DUSP13B: variants seen among roughly 807,000 people sequenced by gnomAD.
DUSP13B encodes dual specificity phosphatase 13B.
the DUSP13B span, chr10:75,099,217 C>G: frequency 1.6e-6 from 2 of 1,232,220 alleles, no homozygotes; most frequent in Non-Finnish European, 2.0e-6. Context: ...TCCCCTGGAC[C>G]AGTGACTAGG....
the DUSP13B span, chr10:75,101,858 C>T: frequency 7.3e-7 from 1 of 1,365,708 alleles, no homozygotes; most frequent in African/African-American, 1.5e-5. Flanking sequence ...ATTAGGAGCA[C>T]TCACCCACCT....
At chr10:75,105,733 T>G in the DUSP13B span, 1 of 1,554,618 alleles carries the variant, frequency 6.4e-7, no homozygotes, top group Non-Finnish European at 8.7e-7. Context: ...GAAGCCTCGG[T>G]TGGGGAAGAC....
the DUSP13B span, chr10:75,107,903 G>C: frequency 1.8e-5 from 25 of 1,404,988 alleles, no homozygotes; most frequent in Non-Finnish European, 2.2e-5. Flanking sequence ...AAAAAGCAGG[G>C]ATGGGAGGGC....
the DUSP13B span, chr10:75,095,708 T>C: frequency 3.1e-6 from 5 of 1,614,096 alleles, no homozygotes; most frequent in East Asian, 1.1e-4. Flanking sequence ...ATTTGGCACC[T>C]GTGTCCACCT....
chr10:75,098,025 A>C, the DUSP13B span: 1 of 728,376 alleles, frequency 1.4e-6, no homozygotes, highest in Non-Finnish European at 2.1e-6. Flanking sequence ...ATGAGGTATT[A>C]ACAAGCTCAG....
the DUSP13B span, among the ~76,000 whole-genome samples, chr10:75,100,475 T>C: frequency 1.3e-5 from 2 of 152,186 alleles, no homozygotes; most frequent in South Asian, 2.1e-4. Context: ...GGGAAGTCGG[T>C]GGTTGTGGCA....
the DUSP13B span, among the ~76,000 whole-genome samples, chr10:75,107,346 G>GA: frequency 5.2e-3 from 600 of 115,998 alleles, no homozygotes; most frequent in Middle Eastern, 0.022. Flanking sequence ...CTCTGTCTCA[G>GA]AAAAAAAAAA....
chr10:75,094,702 G>T, the DUSP13B span: 8 of 1,614,000 alleles, frequency 5.0e-6, no homozygotes, highest in Middle Eastern at 3.3e-4. Flanking sequence ...TCCCGCCCCA[G>T]TCGGTTGTCC....
the DUSP13B span, chr10:75,105,664 G>T: frequency 6.5e-7 from 1 of 1,548,356 alleles, no homozygotes; most frequent in Non-Finnish European, 8.7e-7. Flanking sequence ...GCCTCACCTG[G>T]CCCCTCAGCT....
the DUSP13B span, chr10:75,105,934 G>A: frequency 1.4e-6 from 2 of 1,472,452 alleles, no homozygotes; most frequent in South Asian, 2.5e-5. Context: ...CTGGGATGGG[G>A]ACCCAAGTTC....
At chr10:75,096,402 C>A in the DUSP13B span, among the ~76,000 whole-genome samples, 1 of 151,962 alleles carries the variant, frequency 6.6e-6, no homozygotes, top group Non-Finnish European at 1.5e-5. Context: ...CATGGCAAAA[C>A]CTTATCTCTA....
At chr10:75,098,889 G>A in the DUSP13B span, 4 of 989,360 alleles carry the variant, frequency 4.0e-6, no homozygotes, top group Non-Finnish European at 5.2e-6. Context: ...TAGCAAGGCT[G>A]GGGTTTTAGT....
At chr10:75,096,736 A>T in the DUSP13B span, among the ~76,000 whole-genome samples, 2 of 152,168 alleles carry the variant, frequency 1.3e-5, no homozygotes, top group Admixed American at 6.5e-5. Flanking sequence ...ACAGAGAGAG[A>T]CCTTGTCTCT....
chr10:75,105,888 G>A, the DUSP13B span: 128 of 1,543,952 alleles, frequency 8.3e-5, no homozygotes, highest in East Asian at 3.0e-3. Context: ...ACATCCTGGT[G>A]AAAAACCCTG....
the DUSP13B span, chr10:75,095,518 A>G: frequency 6.7e-7 from 1 of 1,495,916 alleles, no homozygotes; most frequent in Non-Finnish European, 9.3e-7. Context: ...TACTGGAATA[A>G]TGGAGAGTCC....
the DUSP13B span, chr10:75,099,445 G>A: frequency 1.6e-6 from 2 of 1,232,604 alleles, no homozygotes; most frequent in Non-Finnish European, 2.0e-6. Flanking sequence ...CATGGCCTGG[G>A]GCCGGGAATG....
chr10:75,109,028 T>C, the DUSP13B span: 3 of 1,610,128 alleles, frequency 1.9e-6, no homozygotes, highest in East Asian at 2.2e-5. Context: ...ATGAAAAGGT[T>C]GGGCCAAACT....
chr10:75,096,563 T>C, the DUSP13B span, among the ~76,000 whole-genome samples: 1 of 135,788 alleles, frequency 7.4e-6, no homozygotes, highest in Non-Finnish European at 1.5e-5. Flanking sequence ...GGTGGCACAG[T>C]GAGACCCCGC....
At chr10:75,103,563 ATCT>A in the DUSP13B span, among the ~76,000 whole-genome samples, 2 of 152,146 alleles carry the variant, frequency 1.3e-5, no homozygotes, top group Non-Finnish European at 2.9e-5. Flanking sequence ...CCTACTAGAA[ATCT>A]TCTCTGTCAT....
Sources: gnomAD v4.1 joint callset for allele counts (sites outside exome capture counted in the v4.1 genomes callset) on GRCh38, gnomAD v4.1.1 for gene constraint, MANE v1.5 for transcripts, NCBI Gene and HGNC (gene_info 2026-07-23, HGNC 2026-07-21) for gene names.